The following SVIL variants were observed in gnomAD, a reference collection of about 807,000 sequenced individuals.
The protein encoded by SVIL is supervillin.
In SVIL, 101 loss-of-function variants were observed where a neutral mutation model predicts 240.4. The ratio of observed to expected loss-of-function variants is 0.42; its 90% CI spans 0.36 to 0.50. The LOEUF is 0.50. Among genes scored for constraint, SVIL ranks in the 20% least tolerant of loss-of-function variants. SVIL has a pLI of 0.01. For missense variants in SVIL, 2,512 were observed against 2,818.7 expected (o/e 0.89, Z 2.46); for synonymous variants, 999 against 1,100.0 (o/e 0.91, Z 1.82).
intron 1 of SVIL, among the ~76,000 whole-genome samples, chr10:29,608,165 G>A (rs980906206): frequency 2.6e-5 from 4 of 152,078 alleles, no homozygotes; most frequent in African/African-American, 9.7e-5. Flanking sequence ...ACCCCTTCAG[G>A]TGCCCTCACT....
At chr10:29,692,821 A>G (rs892332933) in intron 1 of SVIL, among the ~76,000 whole-genome samples, 2 of 152,066 alleles carry the variant, frequency 1.3e-5, no homozygotes, top group South Asian at 2.1e-4. Flanking sequence ...CTGTAAAAAT[A>G]TAGAAACACT....
intron 11 of SVIL, 147 bp downstream of exon 11, chr10:29,530,460 A>G: frequency 3.6e-6 from 3 of 836,900 alleles, no homozygotes; most frequent in Non-Finnish European, 5.6e-6. Context: ...TACAATTTTT[A>G]TTTTTTTTGA....
At chr10:29,560,028 T>C (rs1260907090) in intron 3 of SVIL, among the ~76,000 whole-genome samples, 1 of 152,194 alleles carries the variant, frequency 6.6e-6, no homozygotes, top group African/African-American at 2.4e-5. Flanking sequence ...TTGAGTACAG[T>C]AGAATCTTCC....
chr10:29,706,208 G>C (rs567426786), intron 1 of SVIL, among the ~76,000 whole-genome samples: 1 of 152,256 alleles, frequency 6.6e-6, no homozygotes, highest in South Asian at 2.1e-4. Context: ...TGGTATTTCT[G>C]GTTCTAGATC....
chr10:29,489,948 G>T (rs1167113564), intron 22 of SVIL, among the ~76,000 whole-genome samples: 1 of 152,178 alleles, frequency 6.6e-6, no homozygotes, highest in Non-Finnish European at 1.5e-5. Flanking sequence ...AGGTCTATGA[G>T]TGTTATGGGA....
rs151303497 is a variant in SVIL at position 29,628,683 on chromosome 10, T to C, written c.-201+5737A>G. Among the ~76,000 whole-genome samples, 4 of 152,300 alleles carry C rather than the reference T, an allele frequency of 2.6e-5. 1 individual carries two copies. The East Asian group carries it at 7.7e-4, about 29-fold the overall frequency. ...AGGATACAAATTCTCACACAGCTAA[T>C]TGGGAGTTAATTTCTACTTACAAAC... On this transcript the variant is annotated intron_variant, in intron 1 of 37. Transcript: ENST00000355867.
chr10:29,627,516 C>G lies in SVIL; in HGVS notation c.-201+6904G>C, dbSNP rs550295549. ...TCCTGCACCGAGAGCAGGGAAAACA[C>G]TTCTTTGGACTTTTGGGGAGGTAGG... On this transcript the variant is annotated intron_variant, in intron 1 of 37. Coordinates refer to ENST00000355867, the MANE Select transcript of SVIL (RefSeq NM_021738.3). Among the ~76,000 whole-genome samples the G allele has an allele frequency of 7.2e-5, 11 of 152,238 alleles. 1 individual carries two copies. The highest frequency in any genetic ancestry group is 2.6e-4 in the African/African-American group (11 of 41,534).
chr10:29,514,575 G>A (rs1212164380), intron 16 of SVIL, among the ~76,000 whole-genome samples: 3 of 152,134 alleles, frequency 2.0e-5, no homozygotes, highest in Non-Finnish European at 4.4e-5. Context: ...AGAGACAGGT[G>A]CTTGCTATGT....
intron 3 of SVIL, among the ~76,000 whole-genome samples, chr10:29,645,445 T>C (rs756256242): frequency 2.0e-5 from 3 of 152,058 alleles, no homozygotes; most frequent in Non-Finnish European, 4.4e-5. Flanking sequence ...TGGCGGGCTC[T>C]TGTAGTCCAA....
chr10:29,460,612 T>G (rs1278315319), intron 36 of SVIL, among the ~76,000 whole-genome samples: 1 of 152,134 alleles, frequency 6.6e-6, no homozygotes, highest in African/African-American at 2.4e-5. Context: ...CCATCAGGCA[T>G]CTCCAATAGT....
Position 29,529,175 on chromosome 10 carries a change from C to CAAA in SVIL, c.2246+527_2246+529dup, listed in dbSNP as rs66523560. On this transcript the variant is annotated intron_variant, in intron 12 of 37. Transcript: ENST00000355867. ...TGGGTGACAGAGCAAGACTCTCTCTCAAAAAAAAAAAAAAAAAAAAAAAAA... is the reference window on the plus strand; with the variant it reads ...TGGGTGACAGAGCAAGACTCTCTCTCAAAAAAAAAAAAAAAAAAAAAAAAAAAA... Among the ~76,000 whole-genome samples, 15 of 66,056 alleles carry CAAA rather than the reference C, an allele frequency of 2.3e-4. 1 individual carries two copies. The highest frequency in any genetic ancestry group is 1.0e-3 in the East Asian group (1 of 976). The allele number at this position is 66,056 out of a possible 152,430, so 43.3% of individuals were successfully genotyped here.
chr10:29,574,818 A>C (rs1390345916), intron 1 of SVIL, among the ~76,000 whole-genome samples: 3 of 152,146 alleles, frequency 2.0e-5, no homozygotes, highest in Non-Finnish European at 2.9e-5. Flanking sequence ...CCAGAAGGAG[A>C]CATCAGGCCA....
At chr10:29,724,511 G>A (rs1048977832) in intron 1 of SVIL, among the ~76,000 whole-genome samples, 1 of 151,774 alleles carries the variant, frequency 6.6e-6, no homozygotes, top group African/African-American at 2.4e-5. Context: ...TCAGTGTCAG[G>A]ATATATGATG....
At chr10:29,620,805 G>A (rs1957603312) in intron 1 of SVIL, among the ~76,000 whole-genome samples, 1 of 152,120 alleles carries the variant, frequency 6.6e-6, no homozygotes, top group Admixed American at 6.5e-5. Flanking sequence ...TTTTAGCAGA[G>A]ATGGGGTTTC....
At position 29,535,983 on chromosome 10, in the gene SVIL, G is replaced by C; in HGVS notation, c.908+6C>G. On this transcript the variant is annotated splice_donor_region_variant and intron_variant, in intron 7 of 37. Coordinates refer to ENST00000355867, the MANE Select transcript of SVIL (RefSeq NM_021738.3). The stretch of plus-strand genomic sequence containing the variant: ...CACAAGCCCCAGAGGGCCGGCGTGC[G>C]GGTACCTGGAAGGCCAGTTGATAAG... The C allele has an allele frequency of 6.2e-7, 1 of 1,614,048 alleles. No homozygotes were observed. The highest frequency in any genetic ancestry group is 8.5e-7 in the Non-Finnish European group (1 of 1,179,990).
chr10:29,708,256 T>TAAA (rs1407425809), intron 1 of SVIL, among the ~76,000 whole-genome samples: 1 of 40,576 alleles, frequency 2.5e-5, no homozygotes, highest in African/African-American at 1.6e-4. Flanking sequence ...AGACTCCATC[T>TAAA]CAAAAAAAAA....
intron 36 of SVIL, among the ~76,000 whole-genome samples, chr10:29,460,184 G>A (rs757168256): frequency 1.4e-4 from 22 of 152,132 alleles, no homozygotes; most frequent in South Asian, 4.2e-4. Context: ...AAGTGACTTC[G>A]TGTTTTTGTG....
chr10:29,558,999 ATAT>A (rs987849717), intron 3 of SVIL, among the ~76,000 whole-genome samples: 7 of 149,110 alleles, frequency 4.7e-5, no homozygotes, highest in Admixed American at 2.0e-4. Context: ...ACCATGTTTT[ATAT>A]TATTTTATAT....
chr10:29,603,908 A>G (rs954037762), intron 1 of SVIL, among the ~76,000 whole-genome samples: 8 of 152,358 alleles, frequency 5.3e-5, no homozygotes, highest in Admixed American at 5.2e-4. Context: ...TAATAAGCCC[A>G]CAGTACAGTC....
Sources: gnomAD v4.1 joint callset for allele counts (sites outside exome capture counted in the v4.1 genomes callset) on GRCh38, gnomAD v4.1.1 for gene constraint, MANE v1.5 for transcripts, NCBI Gene and HGNC (gene_info 2026-07-23, HGNC 2026-07-21) for gene names.